The following PYY variants were observed in gnomAD, a reference collection of about 807,000 sequenced individuals.
The protein encoded by PYY is peptide YY, also known as peptide tyrosine tyrosine.
In PYY, 12 loss-of-function variants were observed where a neutral mutation model predicts 10.3. That is an observed-to-expected ratio of 1.17 (90% CI 0.75 to 1.89). The LOEUF is 1.89. PYY is among the 40% of genes most tolerant of loss of function. The pLI is 0.00. For missense variants in PYY, 141 were observed against 134.0 expected, an observed-to-expected ratio of 1.05 and a Z score of -0.26; for synonymous variants, 66 against 62.0, an observed-to-expected ratio of 1.06 and a Z score of -0.30.
rs1336353792 is a variant in PYY, at chr17:43,962,304, G to T, written c.-218+3984C>A. On this transcript the variant is annotated intron_variant, in intron 2 of 6. Transcript: ENST00000360085. ...CAATGCCAAATGGAAATGTAAAAAT[G>T]AGCCATTTTCCAGCTTTATTGAGGT... Among the ~76,000 whole-genome samples, 4 of 152,090 alleles carry T rather than the reference G, an allele frequency of 2.6e-5. No individual in the cohort carries two copies. In the East Asian group the frequency reaches 5.8e-4, roughly 22 times the overall value.
At chr17:43,976,933 C>G (rs1351168490) in intron 1 of PYY, among the ~76,000 whole-genome samples, 1 of 152,174 alleles carries the variant, frequency 6.6e-6, no homozygotes, top group African/African-American at 2.4e-5. Flanking sequence ...CCACCTCACC[C>G]CACCCTACCC....
chr17:43,975,836 G>GTA (rs1334052083), intron 1 of PYY, among the ~76,000 whole-genome samples: 4 of 41,876 alleles, frequency 9.6e-5, no homozygotes, highest in Admixed American at 2.8e-4. Flanking sequence ...CTACGTACGT[G>GTA]TACATACACG....
intron 2 of PYY, among the ~76,000 whole-genome samples, chr17:43,964,559 T>C (rs891091901): frequency 1.3e-5 from 2 of 152,230 alleles, no homozygotes; most frequent in African/African-American, 4.8e-5. Flanking sequence ...GAGACCAGCC[T>C]GACCAACATG....
rs1283834467 is a variant in PYY, at chr17:44,002,203, A to G, written c.-463+2188T>C. On this transcript the variant is annotated intron_variant, in intron 1 of 6. Coordinates refer to the PYY transcript ENST00000360085. ...TCCACTACAGAGTCTCCCCCCCGGG[A>G]CAGTGTGTCCGAGGGGTGGGGGACT... Among the ~76,000 whole-genome samples, 3 of 152,238 alleles carry G rather than the reference A, an allele frequency of 2.0e-5. No homozygotes were observed. The East Asian group carries it at 5.8e-4, about 29-fold the overall frequency.
At chr17:43,955,092 C>T (rs949182215), upstream of PYY, among the ~76,000 whole-genome samples, 17 of 152,302 alleles carry the variant, frequency 1.1e-4, no homozygotes, top group East Asian at 3.3e-3. Context: ...CAGAGGCAGG[C>T]CTGGGAGCAG....
At chr17:43,997,747 G>A (rs905603251) in intron 1 of PYY, among the ~76,000 whole-genome samples, 2 of 152,062 alleles carry the variant, frequency 1.3e-5, no homozygotes, top group Non-Finnish European at 2.9e-5. Flanking sequence ...CCTTACGAAT[G>A]CGGCTTCGAC....
At chr17:43,953,266 C>G (rs929591360) in intron 2 of PYY, 30 bp downstream of exon 2, 2 of 1,607,882 alleles carry the variant, frequency 1.2e-6, no homozygotes, top group Non-Finnish European at 1.7e-6. Flanking sequence ...GGTGAGAGCC[C>G]CAGGGGTCCC....
At chr17:43,977,915 C>T (rs889575471) in intron 1 of PYY, among the ~76,000 whole-genome samples, 1 of 152,106 alleles carries the variant, frequency 6.6e-6, no homozygotes, top group Non-Finnish European at 1.5e-5. Context: ...CAAAGTGAAT[C>T]TTGGCCGGGC....
At chr17:43,999,333 G>A (rs1016709170) in intron 1 of PYY, among the ~76,000 whole-genome samples, 1 of 152,088 alleles carries the variant, frequency 6.6e-6, no homozygotes, top group African/African-American at 2.4e-5. Context: ...GGACCTGGAG[G>A]CAGCAATTTT....
At chr17:43,988,007 C>G (rs1265442200) in intron 1 of PYY, among the ~76,000 whole-genome samples, 1 of 152,172 alleles carries the variant, frequency 6.6e-6, no homozygotes, top group Non-Finnish European at 1.5e-5. Context: ...ACATGGTCTA[C>G]TGGACCATCA....
chr17:43,965,789 C>CAAAAAAAAAAAAAAAAA (rs67609128), intron 2 of PYY, among the ~76,000 whole-genome samples: 2 of 31,932 alleles, frequency 6.3e-5, no homozygotes, highest in Non-Finnish European at 5.6e-5. Flanking sequence ...ATCCATCTCA[C>CAAAAAAAAAAAAAAAAA]AAAAAAAAAA....
Position 43,990,605 on chromosome 17 carries a change from A to G in PYY, c.-463+13786T>C, listed in dbSNP as rs138076778. 1.2e-4 allele frequency among the ~76,000 whole-genome samples: 18 copies of G among 152,134 alleles called. No homozygotes were observed. The East Asian group carries it at 3.5e-3, about 29-fold the overall frequency. ...CTTTTGCACCAACCTAATACATGCAATCGGGAGATACAAGGCACAAAATGT... is the reference window on the plus strand; with the variant it reads ...CTTTTGCACCAACCTAATACATGCAGTCGGGAGATACAAGGCACAAAATGT... On this transcript the variant is annotated intron_variant, in intron 1 of 6. Coordinates refer to the PYY transcript ENST00000360085.
intron 1 of PYY, chr17:43,966,561 G>A (rs1248542402): frequency 6.6e-6 from 1 of 152,176 alleles, no homozygotes; most frequent in African/African-American, 2.4e-5. Flanking sequence ...ATATGAAATC[G>A]CAGTTTAGGC....
In PYY at chr17:43,977,974, C is replaced by T. The variant is rs568353239; in HGVS notation, c.-462-11442G>A. 2.0e-4 allele frequency among the ~76,000 whole-genome samples: 30 copies of T among 151,696 alleles called. No homozygotes were observed. The South Asian group carries it at 4.6e-3, about 23-fold the overall frequency. ...CAGCATCTTGGGAGGCTGAGGCAGG[C>T]GGATTGCTTGAGCCCAGGAGTTCAA... On this transcript the variant is annotated intron_variant, in intron 1 of 6. Coordinates refer to the PYY transcript ENST00000360085.
intron 1 of PYY, among the ~76,000 whole-genome samples, chr17:43,994,868 G>A (rs1242823116): frequency 6.6e-6 from 1 of 152,178 alleles, no homozygotes; most frequent in African/African-American, 2.4e-5. Context: ...GGCCGGGGGT[G>A]GCCAGGGCCC....
At chr17:43,976,225 A>ATGTATACATATACGTATATGTATACATG (rs1330574092) in intron 1 of PYY, among the ~76,000 whole-genome samples, 2 of 107,202 alleles carry the variant, frequency 1.9e-5, no homozygotes, top group African/African-American at 8.6e-5. Flanking sequence ...ATGTATACAT[A>ATGTATACATATACGTATATGTATACATG]TATACATATG....
At chr17:43,993,505 C>T (rs1240501267) in intron 1 of PYY, among the ~76,000 whole-genome samples, 3 of 150,930 alleles carry the variant, frequency 2.0e-5, no homozygotes, top group African/African-American at 7.3e-5. Context: ...GCACATCTGT[C>T]ATCCCAGCTA....
intron 1 of PYY, among the ~76,000 whole-genome samples, chr17:43,994,215 C>G (rs1597859245): frequency 6.6e-6 from 1 of 152,160 alleles, no homozygotes; most frequent in East Asian, 1.9e-4. Context: ...CCCCCTCTGT[C>G]TGTTCCCACT....
chr17:43,985,078 G>C (rs1228018743), intron 1 of PYY, among the ~76,000 whole-genome samples: 1 of 151,996 alleles, frequency 6.6e-6, no homozygotes, highest in African/African-American at 2.4e-5. Flanking sequence ...AAATTAAAAG[G>C]CAACTCTCAA....
Sources: allele counts gnomAD v4.1 joint callset (sites outside exome capture counted in the v4.1 genomes callset), GRCh38; gene constraint gnomAD v4.1.1; transcripts MANE v1.5; gene names NCBI Gene and HGNC (gene_info 2026-07-23, HGNC 2026-07-21).